Variants in SIPA1L1 observed in about 807,000 individuals in gnomAD.
SIPA1L1 encodes signal-induced proliferation-associated 1-like protein 1.
In SIPA1L1, 26 loss-of-function variants were observed where a neutral mutation model predicts 162.7. That is an observed-to-expected ratio of 0.16 (90% CI 0.12 to 0.22). SIPA1L1 has a LOEUF of 0.22. SIPA1L1 is among the 10% of genes least tolerant of loss of function. SIPA1L1 has a pLI of 1.00. For missense variants in SIPA1L1, 1,874 were observed against 2,241.0 expected (o/e 0.84, Z 3.31); for synonymous variants, 829 against 837.4 (o/e 0.99, Z 0.17).
chr14:71,719,928 A>G (rs1252509485), intron 17 of SIPA1L1, among the ~76,000 whole-genome samples: 1 of 152,192 alleles, frequency 6.6e-6, no homozygotes, highest in Non-Finnish European at 1.5e-5. Context: ...TTATAGCTTG[A>G]GAATCAATAT....
chr14:71,556,544 T>A (rs2056369998), intron 4 of SIPA1L1, among the ~76,000 whole-genome samples: 1 of 152,138 alleles, frequency 6.6e-6, no homozygotes, highest in African/African-American at 2.4e-5. Flanking sequence ...TGTTTGGGTT[T>A]AATTAATTTG....
intron 2 of SIPA1L1, among the ~76,000 whole-genome samples, chr14:71,352,706 C>T (rs1036298350): frequency 2.0e-5 from 3 of 152,132 alleles, no homozygotes. Context: ...ATGCCATCTA[C>T]AGGGGATATA....
chr14:71,411,237 GA>G (rs2042383182), intron 2 of SIPA1L1, among the ~76,000 whole-genome samples: 1 of 151,860 alleles, frequency 6.6e-6, no homozygotes, highest in Non-Finnish European at 1.5e-5. Flanking sequence ...CTAAGAGAGG[GA>G]AAAAATGTTT....
intron 2 of SIPA1L1, among the ~76,000 whole-genome samples, chr14:71,435,400 C>T (rs907873564): frequency 1.3e-5 from 2 of 152,070 alleles, no homozygotes; most frequent in African/African-American, 2.4e-5. Flanking sequence ...TGTTCAATTC[C>T]CACCTATGAG....
intron 2 of SIPA1L1, among the ~76,000 whole-genome samples, chr14:71,472,848 T>TAAAAAAAA (rs35990139): frequency 1.7e-5 from 2 of 120,476 alleles, no homozygotes; most frequent in African/African-American, 3.2e-5. Flanking sequence ...TATGAAAACT[T>TAAAAAAAA]AAAAAAAAAA....
intron 13 of SIPA1L1, among the ~76,000 whole-genome samples, chr14:71,693,105 A>G (rs2081363547): frequency 6.6e-6 from 1 of 152,074 alleles, no homozygotes; most frequent in Admixed American, 6.5e-5. Context: ...ATTTTTTTTT[A>G]ATTTTGCGCA....
chr14:71,598,609 A>G (rs1396463948), intron 5 of SIPA1L1, among the ~76,000 whole-genome samples: 1 of 152,254 alleles, frequency 6.6e-6, no homozygotes, highest in Non-Finnish European at 1.5e-5. Flanking sequence ...CTTAGAATCT[A>G]TAGGGGATTA....
At chr14:71,684,722 C>G (rs907527099) in intron 12 of SIPA1L1, among the ~76,000 whole-genome samples, 14 of 151,310 alleles carry the variant, frequency 9.3e-5, no homozygotes, top group Non-Finnish European at 1.8e-4. Flanking sequence ...GCTGCTTATA[C>G]ACTCTTTTGG....
Position 71,322,758 on chromosome 14 carries a change from G to T in SIPA1L1, c.-465+1577G>T, listed in dbSNP as rs544735485. ...TTTTCTTATTAATGCTTAAGTAAAG[G>T]ACTCTTGAAGTTGACTGTCATTTGA... On this transcript the variant is annotated intron_variant, in intron 2 of 23. Coordinates refer to ENST00000381232, the MANE Select transcript of SIPA1L1 (RefSeq NM_001386936.1). 7.9e-5 allele frequency among the ~76,000 whole-genome samples: 12 copies of T among 152,316 alleles called. No homozygotes were observed. In the South Asian group the frequency reaches 2.5e-3, roughly 32 times the overall value.
intron 4 of SIPA1L1, among the ~76,000 whole-genome samples, chr14:71,566,890 A>C (rs1361313195): frequency 6.6e-6 from 1 of 152,148 alleles, no homozygotes; most frequent in East Asian, 1.9e-4. Context: ...CAAGGTACAG[A>C]CTCTGCGAAT....
At chr14:71,506,103 G>A (rs1474402809) in intron 2 of SIPA1L1, among the ~76,000 whole-genome samples, 1 of 151,800 alleles carries the variant, frequency 6.6e-6, no homozygotes, top group Non-Finnish European at 1.5e-5. Context: ...GTTTGCACAC[G>A]TTGTCCCATT....
chr14:71,597,482 A>G (rs187551086), intron 5 of SIPA1L1, among the ~76,000 whole-genome samples: 36 of 152,168 alleles, frequency 2.4e-4, no homozygotes, highest in Non-Finnish European at 4.4e-5. Flanking sequence ...ATTTATGAAT[A>G]AATGCTGAGG....
intron 5 of SIPA1L1, among the ~76,000 whole-genome samples, chr14:71,607,803 C>A (rs1292803699): frequency 6.6e-6 from 1 of 152,178 alleles, no homozygotes; most frequent in East Asian, 1.9e-4. Context: ...CCAACACCAT[C>A]CACATAAAAA....
At chr14:71,532,938 A>G (rs2053573445) in intron 4 of SIPA1L1, among the ~76,000 whole-genome samples, 1 of 152,156 alleles carries the variant, frequency 6.6e-6, no homozygotes, top group African/African-American at 2.4e-5. Flanking sequence ...CTGTCTTGCC[A>G]TCTGTAGCCT....
chr14:71,481,041 T>G (rs2048316612), intron 2 of SIPA1L1, among the ~76,000 whole-genome samples: 1 of 152,262 alleles, frequency 6.6e-6, no homozygotes. Flanking sequence ...CTTTCCTGTT[T>G]ACCTTGTGGT....
At chr14:71,706,021 T>A (rs544213969) in intron 16 of SIPA1L1, among the ~76,000 whole-genome samples, 5 of 152,124 alleles carry the variant, frequency 3.3e-5, no homozygotes, top group Non-Finnish European at 5.9e-5. Context: ...ATGTTTATAT[T>A]CACGTCATTC....
chr14:71,661,840 ATTG>A (rs1372017849), intron 10 of SIPA1L1, among the ~76,000 whole-genome samples: 1 of 152,202 alleles, frequency 6.6e-6, no homozygotes, highest in Non-Finnish European at 1.5e-5. Flanking sequence ...TTTGAAAAGC[ATTG>A]TTATTAAAGA....
intron 2 of SIPA1L1, among the ~76,000 whole-genome samples, chr14:71,381,225 T>G (rs1288293243): frequency 1.3e-5 from 2 of 152,108 alleles, no homozygotes; most frequent in Non-Finnish European, 2.9e-5. Context: ...GCTAATTTTT[T>G]GTATTTTCAG....
In SIPA1L1 at chr14:71,739,106, C is replaced by T. The variant is rs2085589521; in HGVS notation, c.5297C>T (p.Ser1766Leu). The T allele has an allele frequency of 1.2e-6, 2 of 1,613,838 alleles. No individual in the cohort carries two copies. Among genetic ancestry groups the T allele is most frequent in the South Asian group, 1.1e-5 (1 of 91,070 alleles). Residue 1766 changes from serine to leucine, a missense_variant, in exon 24 of 24, where the codon TCG becomes TTG. Coordinates refer to ENST00000381232, the MANE Select transcript of SIPA1L1 (RefSeq NM_001386936.1). ...LRLQEESQNA[S>L]DKLKKFTEWV... ...CTACAGGAGGAGTCCCAGAACGCCTCGGACAAGCTGAAGAAGTTCACAGAA... is the reference window on the plus strand; with the variant it reads ...CTACAGGAGGAGTCCCAGAACGCCTTGGACAAGCTGAAGAAGTTCACAGAA...
Sources: allele counts gnomAD v4.1 joint callset (sites outside exome capture counted in the v4.1 genomes callset), GRCh38; gene constraint gnomAD v4.1.1; transcripts MANE v1.5; gene names NCBI Gene and HGNC (gene_info 2026-07-23, HGNC 2026-07-21).